SPINK8: variants seen among roughly 807,000 people sequenced by gnomAD.
The protein encoded by SPINK8 is serine protease inhibitor Kazal-type 8.
Under a neutral mutation model 14.4 loss-of-function variants are expected in SPINK8, and 12 were observed. The observed-to-expected ratio is 0.83, with a 90% confidence interval of 0.53 to 1.35. The LOEUF is 1.35. SPINK8 is among the 40% of genes most tolerant of loss of function. The pLI, the probability that SPINK8 is intolerant of heterozygous loss-of-function variation, is 0.00. For missense variants in SPINK8, 103 were observed against 117.0 expected, an observed-to-expected ratio of 0.88 and a Z score of 0.55; for synonymous variants, 32 against 37.6, an observed-to-expected ratio of 0.85 and a Z score of 0.55.
chr3:48,328,540 G>GA (rs975687286), intron 3 of SPINK8, among the ~76,000 whole-genome samples, 186 bp from the exon 4 acceptor site: 7 of 150,840 alleles, frequency 4.6e-5, no homozygotes, highest in South Asian at 4.2e-4. Flanking sequence ...TTGGACATTT[G>GA]AAAAAAAAAT....
chr3:48,311,703 A>C (rs1000196982), intron 6 of SPINK8, among the ~76,000 whole-genome samples: 1 of 152,234 alleles, frequency 6.6e-6, no homozygotes, highest in Admixed American at 6.5e-5. Context: ...TGTACACTCA[A>C]AACTACAAAA....
chr3:48,325,134 T>C (rs1196208011), intron 4 of SPINK8, among the ~76,000 whole-genome samples: 1 of 152,218 alleles, frequency 6.6e-6, no homozygotes, highest in Admixed American at 6.5e-5. Context: ...GTTTGCATGA[T>C]ATATTTTTCT....
intron 4 of SPINK8, among the ~76,000 whole-genome samples, chr3:48,325,898 G>A (rs568189104): frequency 8.6e-5 from 13 of 150,552 alleles, no homozygotes; most frequent in Non-Finnish European, 1.6e-4. Flanking sequence ...ATGCCCAACC[G>A]TCCTTTCTTT....
intron 5 of SPINK8, among the ~76,000 whole-genome samples, chr3:48,320,033 G>A (rs2107098528): frequency 6.6e-6 from 1 of 152,104 alleles, no homozygotes; most frequent in East Asian, 1.9e-4. Context: ...GGGAGGCTGA[G>A]GCAGGAGAAT....
At chr3:48,323,131 CTG>C (rs2036096447) in intron 4 of SPINK8, among the ~76,000 whole-genome samples, 1 of 151,960 alleles carries the variant, frequency 6.6e-6, no homozygotes, top group African/African-American at 2.4e-5. Context: ...AGTGGTATCT[CTG>C]TTGTTTTTGT....
Position 48,308,872 on chromosome 3 carries a change from G to A in SPINK8, c.282+1032C>T, listed in dbSNP as rs138591654. Among the ~76,000 whole-genome samples, 274 of 152,302 alleles carry A rather than the reference G, an allele frequency of 1.8e-3. 1 individual carries two copies. The highest frequency in any genetic ancestry group is 3.1e-3 in the African/African-American group (129 of 41,554). On this transcript the variant is annotated intron_variant, in intron 7 of 7. Transcript: ENST00000434006. Reference sequence around the variant, plus strand: ...TATTTGACAAGAGTCATAGACTGAGGTACGGTCCAGATATAAAAGGAGGGA... The same window carrying A: ...TATTTGACAAGAGTCATAGACTGAGATACGGTCCAGATATAAAAGGAGGGA...
rs148300983 is a variant in SPINK8 at position 48,324,632 on chromosome 3, A to G, written c.68-3558T>C. On this transcript the variant is annotated intron_variant, in intron 4 of 7. Transcript: ENST00000434006. ...GAACATATAGAATACATTCAAATAA[A>G]CATTTCTATATAGTAGAAAAATTAC... 3.3e-5 allele frequency among the ~76,000 whole-genome samples: 5 copies of G among 152,280 alleles called. No homozygotes were observed. The East Asian group carries it at 7.7e-4, about 24-fold the overall frequency.
At chr3:48,309,772 T>A in intron 7 of SPINK8, 132 bp downstream of exon 7, 1 of 1,251,368 alleles carries the variant, frequency 8.0e-7, no homozygotes, top group Non-Finnish European at 1.0e-6. Flanking sequence ...GCTTATGGGA[T>A]CTATTATTGG....
chr3:48,307,780 A>C (rs902252831), intron 7 of SPINK8, among the ~76,000 whole-genome samples: 2 of 152,048 alleles, frequency 1.3e-5, no homozygotes, highest in African/African-American at 4.8e-5. Flanking sequence ...GTTCTAGCTG[A>C]GTCACAGAGG....
At chr3:48,316,024 A>C (rs1455729031) in intron 6 of SPINK8, among the ~76,000 whole-genome samples, 2 of 152,192 alleles carry the variant, frequency 1.3e-5, no homozygotes, top group Non-Finnish European at 2.9e-5. Context: ...TATGAAGAAA[A>C]AAGAACAAAA....
In SPINK8 at chr3:48,306,959, A is replaced by T. The variant is rs764030368; in HGVS notation, c.*33T>A. ...TTGTGTTTCACTTGGCAATCTGGAGATTCAGTAGGTTTTATAATTCTTTGT... is the reference window on the plus strand; with the variant it reads ...TTGTGTTTCACTTGGCAATCTGGAGTTTCAGTAGGTTTTATAATTCTTTGT... On this transcript the variant is annotated 3_prime_UTR_variant, in exon 8 of 8. Transcript: ENST00000434006. The T allele has an allele frequency of 4.5e-5, 73 of 1,610,556 alleles. No homozygotes were observed. The highest frequency in any genetic ancestry group is 5.7e-5 in the Non-Finnish European group (67 of 1,177,962).
At chr3:48,310,214 A>G (rs1209944003) in intron 6 of SPINK8, among the ~76,000 whole-genome samples, 1 of 152,122 alleles carries the variant, frequency 6.6e-6, no homozygotes, top group African/African-American at 2.4e-5. Flanking sequence ...TAGAAAAAGA[A>G]TGTGTCTTAA....
intron 6 of SPINK8, among the ~76,000 whole-genome samples, chr3:48,315,909 T>G (rs990204182): frequency 6.6e-6 from 1 of 152,140 alleles, no homozygotes; most frequent in African/African-American, 2.4e-5. Flanking sequence ...AAAAATTCCC[T>G]GGAGGGGCTC....
chr3:48,310,679 A>G (rs147736547), intron 6 of SPINK8, among the ~76,000 whole-genome samples: 1,721 of 152,156 alleles, frequency 0.011, 33 homozygotes, highest in African/African-American at 0.039. Flanking sequence ...TTGTATTTTT[A>G]GTAGAGACTG....
intron 6 of SPINK8, among the ~76,000 whole-genome samples, chr3:48,315,624 G>A (rs1280862105): frequency 6.9e-6 from 1 of 144,854 alleles, no homozygotes; most frequent in African/African-American, 2.6e-5. Context: ...GGGAGGCTGA[G>A]ATAGGATAGT....
intron 4 of SPINK8, among the ~76,000 whole-genome samples, chr3:48,325,003 T>C (rs2036120178): frequency 6.6e-6 from 1 of 152,246 alleles, no homozygotes; most frequent in South Asian, 2.1e-4. Flanking sequence ...ATAATTGTTT[T>C]ATCTTCCTGA....
chr3:48,312,249 A>G (rs567687925), intron 6 of SPINK8, among the ~76,000 whole-genome samples: 7 of 152,362 alleles, frequency 4.6e-5, no homozygotes, highest in African/African-American at 1.2e-4. Flanking sequence ...TCTATGGCCA[A>G]TTGATTTTCA....
At chr3:48,308,310 C>A (rs2107078371) in intron 7 of SPINK8, among the ~76,000 whole-genome samples, 1 of 152,174 alleles carries the variant, frequency 6.6e-6, no homozygotes, top group Non-Finnish European at 1.5e-5. Context: ...TCCTTGGCAT[C>A]CAAGCTTTCT....
intron 6 of SPINK8, among the ~76,000 whole-genome samples, chr3:48,315,962 G>A (rs946781994): frequency 6.6e-6 from 1 of 152,088 alleles, no homozygotes; most frequent in Admixed American, 6.6e-5. Flanking sequence ...AAATGTGCTT[G>A]AAGATAGACC....
Sources: gnomAD v4.1 joint callset for allele counts (sites outside exome capture counted in the v4.1 genomes callset) on GRCh38, gnomAD v4.1.1 for gene constraint, MANE v1.5 for transcripts, NCBI Gene and HGNC (gene_info 2026-07-23, HGNC 2026-07-21) for gene names.